LIFR: variants seen among roughly 807,000 people sequenced by gnomAD.
LIFR encodes leukemia inhibitory factor receptor.
Under a neutral mutation model 122.2 loss-of-function variants are expected in LIFR, and 84 were observed. The ratio of observed to expected loss-of-function variants is 0.69; its 90% CI spans 0.58 to 0.82. The LOEUF is 0.82. LIFR is among the 40% of genes least tolerant of loss of function. The pLI, the probability that LIFR is intolerant of heterozygous loss-of-function variation, is 0.00. For missense variants in LIFR, 1,294 were observed against 1,311.6 expected (o/e 0.99, Z 0.21); for synonymous variants, 422 against 434.7 (o/e 0.97, Z 0.36).
At chr5:38,570,031 T>C (rs1749158508) in intron 1 of LIFR, among the ~76,000 whole-genome samples, 1 of 152,190 alleles carries the variant, frequency 6.6e-6, no homozygotes, top group African/African-American at 2.4e-5. Flanking sequence ...TGAGTGGCAG[T>C]ATAGCAGAGG....
At chr5:38,523,821 G>T (rs1425372743) in intron 4 of LIFR, among the ~76,000 whole-genome samples, 1 of 152,126 alleles carries the variant, frequency 6.6e-6, no homozygotes, top group Admixed American at 6.5e-5. Flanking sequence ...GAAATGAAGG[G>T]TTGGTTCTAA....
chr5:38,504,202 T>TA, intron 9 of LIFR, 81 bp from the exon 10 acceptor site: 1 of 1,010,354 alleles, frequency 9.9e-7, no homozygotes, highest in Admixed American at 1.9e-5. Context: ...GAAGAAAACA[T>TA]AAAAAACAAC....
upstream of LIFR, among the ~76,000 whole-genome samples, chr5:38,595,974 G>A (rs1363505564): frequency 6.6e-6 from 1 of 151,018 alleles, no homozygotes; most frequent in Admixed American, 6.6e-5. Context: ...CTGACCTCGT[G>A]ATCCACCTGC....
chr5:38,551,121 T>C (rs1245861276), intron 1 of LIFR, among the ~76,000 whole-genome samples: 1 of 152,216 alleles, frequency 6.6e-6, no homozygotes, highest in Non-Finnish European at 1.5e-5. Flanking sequence ...GAAGAAAATG[T>C]ATGCTCCTAA....
At chr5:38,599,343 A>AC (rs1269625543), upstream of LIFR, among the ~76,000 whole-genome samples, 2 of 152,202 alleles carry the variant, frequency 1.3e-5, no homozygotes, top group Admixed American at 6.5e-5. Context: ...ACTTTCTGGC[A>AC]CCATTACTGA....
At chr5:38,539,557 T>C (rs977519122) in intron 1 of LIFR, among the ~76,000 whole-genome samples, 4 of 152,196 alleles carry the variant, frequency 2.6e-5, no homozygotes, top group Non-Finnish European at 5.9e-5. Flanking sequence ...CATTCAGTTA[T>C]TTGTCTACAT....
chr5:38,535,474 C>G (rs949111951), intron 1 of LIFR, among the ~76,000 whole-genome samples: 1 of 152,160 alleles, frequency 6.6e-6, no homozygotes, highest in Non-Finnish European at 1.5e-5. Context: ...CACAGCCACG[C>G]CCACTAGTTT....
At chr5:38,600,620 C>T (rs1352764179) in intron 2 of LIFR, among the ~76,000 whole-genome samples, 1 of 152,160 alleles carries the variant, frequency 6.6e-6, no homozygotes, top group Non-Finnish European at 1.5e-5. Context: ...TCACTGTGTT[C>T]TCTTGGTTCT....
intron 5 of LIFR, among the ~76,000 whole-genome samples, chr5:38,512,828 A>G (rs1195267533): frequency 6.6e-6 from 1 of 152,160 alleles, no homozygotes; most frequent in African/African-American, 2.4e-5. Flanking sequence ...TTTTTCATAG[A>G]GTAGAAGTAA....
intron 2 of LIFR, among the ~76,000 whole-genome samples, chr5:38,600,712 A>G (rs10473103): frequency 0.037 from 5,605 of 152,148 alleles, 362 homozygotes; most frequent in African/African-American, 0.13. Context: ...AAAGAAGATT[A>G]TTGTTCAAAT....
intron 1 of LIFR, among the ~76,000 whole-genome samples, chr5:38,593,208 C>T (rs1164139838): frequency 2.0e-5 from 3 of 151,294 alleles, no homozygotes; most frequent in Non-Finnish European, 4.4e-5. Context: ...GTCTCAAAAC[C>T]AAAAAACAAA....
At chr5:38,545,855 C>T (rs144923475) in intron 1 of LIFR, among the ~76,000 whole-genome samples, 2,225 of 144,286 alleles carry the variant, frequency 0.015, 12 homozygotes, top group Non-Finnish European at 0.024. Context: ...GAGCGAGACT[C>T]CATCTCAAAA....
chr5:38,551,432 T>A (rs1562137), intron 1 of LIFR, among the ~76,000 whole-genome samples: 49,557 of 152,098 alleles, frequency 0.33, 8,487 homozygotes, highest in East Asian at 0.42. Flanking sequence ...ACTGCCCCAT[T>A]AGCATTTCTG....
chr5:38,570,481 A>C (rs1448268246), intron 1 of LIFR, among the ~76,000 whole-genome samples: 2 of 152,152 alleles, frequency 1.3e-5, no homozygotes, highest in Non-Finnish European at 2.9e-5. Context: ...CTTGCAAAAC[A>C]TGTTGGAATT....
At chr5:38,519,004 G>A (rs1746255698) in intron 5 of LIFR, among the ~76,000 whole-genome samples, 1 of 152,180 alleles carries the variant, frequency 6.6e-6, no homozygotes, top group South Asian at 2.1e-4. Context: ...AAAAAAGCTT[G>A]TAGAGTAAGG....
At chr5:38,596,805 T>G (rs1009789010), upstream of LIFR, among the ~76,000 whole-genome samples, 2 of 152,240 alleles carry the variant, frequency 1.3e-5, no homozygotes, top group African/African-American at 4.8e-5. Flanking sequence ...TTATCAACAC[T>G]GTCCTTTCCT....
At chr5:38,551,286 G>A (rs1748186515) in intron 1 of LIFR, among the ~76,000 whole-genome samples, 2 of 152,152 alleles carry the variant, frequency 1.3e-5, no homozygotes, top group South Asian at 4.1e-4. Flanking sequence ...TGCAGCAGGC[G>A]CCTTAGTGCT....
At chr5:38,570,047 C>T (rs969441478) in intron 1 of LIFR, among the ~76,000 whole-genome samples, 1 of 152,114 alleles carries the variant, frequency 6.6e-6, no homozygotes. Context: ...AGAGGGGTTA[C>T]CAGCAGAGAT....
chr5:38,600,499 G>T (rs1415752839), intron 2 of LIFR, among the ~76,000 whole-genome samples: 2 of 152,168 alleles, frequency 1.3e-5, no homozygotes, highest in African/African-American at 2.4e-5. Flanking sequence ...TATAACTTCT[G>T]CATTGCCAAA....
Sources: allele counts gnomAD v4.1 joint callset (sites outside exome capture counted in the v4.1 genomes callset), GRCh38; gene constraint gnomAD v4.1.1; transcripts MANE v1.5; gene names NCBI Gene and HGNC (gene_info 2026-07-23, HGNC 2026-07-21).